Variants in WWOX observed in about 807,000 individuals in gnomAD.
The protein encoded by WWOX is WW domain-containing oxidoreductase.
A neutral mutation model predicts 46.2 loss-of-function variants in WWOX; 69 were observed. The observed-to-expected ratio is 1.49, with a 90% confidence interval of 1.23 to 1.82. The LOEUF is 1.82. WWOX is among the 40% of genes most tolerant of loss of function. WWOX has a pLI of 0.00. For missense variants in WWOX, 919 were observed against 542.6 expected (o/e 1.69, Z -6.89); for synonymous variants, 359 against 202.6 (o/e 1.77, Z -6.56).
At chr16:79,202,428 A>T (rs990690616) in intron 8 of WWOX, among the ~76,000 whole-genome samples, 1 of 152,186 alleles carries the variant, frequency 6.6e-6, no homozygotes, top group Non-Finnish European at 1.5e-5. Flanking sequence ...TGCTAGAAAG[A>T]TCCAAAGAAA....
intron 8 of WWOX, among the ~76,000 whole-genome samples, chr16:78,602,056 T>C (rs1013747766): frequency 2.0e-5 from 3 of 152,222 alleles, no homozygotes; most frequent in African/African-American, 7.2e-5. Context: ...CAGACTTCCT[T>C]AGGTTCCTGA....
At chr16:79,033,970 C>G (rs550408859) in intron 8 of WWOX, among the ~76,000 whole-genome samples, 1 of 152,268 alleles carries the variant, frequency 6.6e-6, no homozygotes, top group Non-Finnish European at 1.5e-5. Context: ...CTGGCCCAGC[C>G]AAGGGGTCAC....
At chr16:78,742,719 G>C (rs1030751415) in intron 8 of WWOX, among the ~76,000 whole-genome samples, 1 of 152,146 alleles carries the variant, frequency 6.6e-6, no homozygotes, top group Non-Finnish European at 1.5e-5. Flanking sequence ...ATGGGGTTGG[G>C]CGACACAGTT....
At chr16:79,207,488 T>C (rs1464186422) in intron 8 of WWOX, among the ~76,000 whole-genome samples, 1 of 152,230 alleles carries the variant, frequency 6.6e-6, no homozygotes, top group Admixed American at 6.5e-5. Context: ...CTTTCATAAC[T>C]CTACTTTTTG....
chr16:78,970,497 G>C (rs1235713902), intron 8 of WWOX, among the ~76,000 whole-genome samples: 1 of 152,200 alleles, frequency 6.6e-6, no homozygotes, highest in Non-Finnish European at 1.5e-5. Flanking sequence ...AAAACCAGGG[G>C]AGACTCGACC....
intron 8 of WWOX, among the ~76,000 whole-genome samples, chr16:78,825,045 C>T (rs1398672942): frequency 6.6e-6 from 1 of 152,114 alleles, no homozygotes; most frequent in East Asian, 1.9e-4. Flanking sequence ...CTAAACCCTA[C>T]AAGGCTAGGG....
intron 8 of WWOX, among the ~76,000 whole-genome samples, chr16:78,723,585 T>TTCTTC (rs1567516207): frequency 6.8e-5 from 2 of 29,546 alleles, no homozygotes; most frequent in African/African-American, 3.0e-4. Flanking sequence ...TTCTTTTCTT[T>TTCTTC]TCTTTTCTTT....
chr16:78,755,966 A>G (rs1274457526), intron 8 of WWOX, among the ~76,000 whole-genome samples: 1 of 152,174 alleles, frequency 6.6e-6, no homozygotes, highest in East Asian at 1.9e-4. Context: ...GGCAAATCAG[A>G]GGCCTGTAAG....
chr16:79,122,247 G>C (rs1490611526), intron 8 of WWOX, among the ~76,000 whole-genome samples: 2 of 152,174 alleles, frequency 1.3e-5, no homozygotes. Flanking sequence ...ATCAGGTAGT[G>C]TTAGAAATTT....
chr16:78,655,531 A>T (rs2047061206), intron 8 of WWOX, among the ~76,000 whole-genome samples: 1 of 152,184 alleles, frequency 6.6e-6, no homozygotes, highest in Non-Finnish European at 1.5e-5. Flanking sequence ...TAAACATTAA[A>T]ATAATCTTTA....
intron 8 of WWOX, among the ~76,000 whole-genome samples, chr16:78,846,124 G>A (rs1347368871): frequency 6.6e-6 from 1 of 152,160 alleles, no homozygotes; most frequent in Non-Finnish European, 1.5e-5. Flanking sequence ...AGGTTGGTTG[G>A]TTGGTTTGTT....
chr16:79,211,463 C>G (rs2051743891), intron 8 of WWOX, 145 bp from the exon 9 acceptor site: 1 of 999,230 alleles, frequency 1.0e-6, no homozygotes, highest in Admixed American at 2.0e-5. Flanking sequence ...CATGTGCTTT[C>G]AGCCCAGTAC....
At chr16:78,792,398 G>T (rs1489917354) in intron 8 of WWOX, among the ~76,000 whole-genome samples, 1 of 152,154 alleles carries the variant, frequency 6.6e-6, no homozygotes, top group South Asian at 2.1e-4. Flanking sequence ...AACATAAAAA[G>T]CTCGGAGATG....
intron 8 of WWOX, among the ~76,000 whole-genome samples, chr16:78,602,135 G>C (rs1358002963): frequency 6.6e-6 from 1 of 152,192 alleles, no homozygotes; most frequent in African/African-American, 2.4e-5. Context: ...CACACTAGTA[G>C]AATCTCTCTT....
chr16:78,752,168 C>A (rs923167333), intron 8 of WWOX, among the ~76,000 whole-genome samples: 1 of 152,200 alleles, frequency 6.6e-6, no homozygotes, highest in South Asian at 2.1e-4. Context: ...GAGTGATTCA[C>A]TTCGATGCGT....
intron 8 of WWOX, chr16:78,895,270 G>A (rs1003919142): frequency 1.3e-5 from 2 of 152,156 alleles, no homozygotes; most frequent in Non-Finnish European, 2.9e-5. Flanking sequence ...TCACTTTTCT[G>A]TGGGTTTCTT....
At position 78,967,505 on chromosome 16, in the gene WWOX, A is replaced by T. The variant is rs544703871; in HGVS notation, c.1057-244103A>T. On this transcript the variant is annotated intron_variant, in intron 8 of 8. Coordinates refer to ENST00000566780, the MANE Select transcript of WWOX (RefSeq NM_016373.4). ...TTCCTGCTGAGATGGGGATTTCACC[A>T]TGTTCTCCAGGCTGGTTTCAAACTC... Among the ~76,000 whole-genome samples, 14 of 125,048 alleles carry T rather than the reference A, an allele frequency of 1.1e-4. No homozygotes were observed. In the South Asian group the frequency reaches 3.6e-3, roughly 32 times the overall value. The allele number at this position is 125,048 out of a possible 152,430, so 82.0% of individuals were successfully genotyped here. A position where few individuals can be genotyped will look rare whatever the true frequency, so the allele number is the denominator to read the frequency against.
chr16:78,645,405 T>G (rs1244601745), intron 8 of WWOX, among the ~76,000 whole-genome samples: 2 of 152,154 alleles, frequency 1.3e-5, no homozygotes. Flanking sequence ...AATGGGTCTG[T>G]CTTAGTCCTT....
intron 8 of WWOX, among the ~76,000 whole-genome samples, chr16:79,074,306 C>A (rs1340917065): frequency 6.6e-6 from 1 of 151,716 alleles, no homozygotes; most frequent in Non-Finnish European, 1.5e-5. Flanking sequence ...TGGCTGTCAC[C>A]CCCATTTCCC....
Sources: gnomAD v4.1 joint callset for allele counts (sites outside exome capture counted in the v4.1 genomes callset) on GRCh38, gnomAD v4.1.1 for gene constraint, MANE v1.5 for transcripts, NCBI Gene and HGNC (gene_info 2026-07-23, HGNC 2026-07-21) for gene names.